EXOC4: variants seen among roughly 807,000 people sequenced by gnomAD.
EXOC4 encodes the protein exocyst complex component 4, also known as SEC8-like 1.
EXOC4 carries 71 observed loss-of-function variants against 107.2 expected under a neutral mutation model. The observed-to-expected ratio is 0.66, with a 90% CI of 0.55 to 0.81. The LOEUF (loss-of-function observed/expected upper bound fraction) is 0.81, where lower values mean the gene tolerates loss of function less well. Among genes scored for constraint, EXOC4 ranks in the 30% least tolerant of loss-of-function variants. The pLI is 0.00. For synonymous variants in EXOC4, 456 were observed against 441.2 expected, an observed-to-expected ratio of 1.03 and a Z score of -0.42; for missense variants, 1,108 against 1,189.6, an observed-to-expected ratio of 0.93 and a Z score of 1.01.
chr7:133,468,574 T>C (rs1798790393), intron 7 of EXOC4, among the ~76,000 whole-genome samples: 1 of 152,168 alleles, frequency 6.6e-6, no homozygotes, highest in Non-Finnish European at 1.5e-5. Context: ...ATTTGGTGGG[T>C]ATATTACCCT....
chr7:133,543,880 T>C (rs1004112060), intron 9 of EXOC4, among the ~76,000 whole-genome samples: 1 of 152,192 alleles, frequency 6.6e-6, no homozygotes, highest in Non-Finnish European at 1.5e-5. Flanking sequence ...ACTAATCTTA[T>C]CTGCTGGCTA....
chr7:133,955,513 A>G (rs1800797009), intron 14 of EXOC4, among the ~76,000 whole-genome samples: 1 of 152,092 alleles, frequency 6.6e-6, no homozygotes, highest in South Asian at 2.1e-4. Context: ...GTGTGTGTTG[A>G]TTGGTCCATG....
chr7:133,306,311 G>A (rs559200083), intron 4 of EXOC4, among the ~76,000 whole-genome samples: 2 of 152,154 alleles, frequency 1.3e-5, no homozygotes, highest in South Asian at 4.2e-4. Flanking sequence ...CATTTACTGT[G>A]GGTCTCATAT....
chr7:133,856,363 A>G (rs1798372416), intron 11 of EXOC4, among the ~76,000 whole-genome samples: 1 of 152,240 alleles, frequency 6.6e-6, no homozygotes, highest in Admixed American at 6.5e-5. Flanking sequence ...GAGCATCCAA[A>G]TGCCTAAGCA....
At chr7:133,563,286 T>C (rs1251527371) in intron 9 of EXOC4, among the ~76,000 whole-genome samples, 2 of 152,196 alleles carry the variant, frequency 1.3e-5, no homozygotes, top group African/African-American at 2.4e-5. Flanking sequence ...TTTTAAAGAA[T>C]GTCTCAAGAA....
chr7:133,809,311 A>G (rs73724756), intron 10 of EXOC4, among the ~76,000 whole-genome samples: 2,593 of 152,340 alleles, frequency 0.017, 70 homozygotes, highest in African/African-American at 0.059. Flanking sequence ...TCATATAACA[A>G]TATTAAATGT....
At chr7:133,379,682 T>A (rs967522053) in intron 7 of EXOC4, among the ~76,000 whole-genome samples, 1 of 152,082 alleles carries the variant, frequency 6.6e-6, no homozygotes, top group Non-Finnish European at 1.5e-5. Context: ...GGCTTTTACT[T>A]ATGTTCTGAA....
chr7:133,503,507 G>A (rs1799613252), intron 9 of EXOC4, among the ~76,000 whole-genome samples: 1 of 152,074 alleles, frequency 6.6e-6, no homozygotes, highest in African/African-American at 2.4e-5. Flanking sequence ...TTGATGAAGA[G>A]TATCTATCAC....
intron 9 of EXOC4, among the ~76,000 whole-genome samples, chr7:133,586,962 C>G (rs962485930): frequency 2.0e-5 from 3 of 152,104 alleles, no homozygotes; most frequent in Non-Finnish European, 4.4e-5. Context: ...TCCTGAATAG[C>G]TGGGATTACA....
chr7:133,613,621 C>G (rs2150999118), intron 9 of EXOC4, among the ~76,000 whole-genome samples: 1 of 151,870 alleles, frequency 6.6e-6, no homozygotes, highest in East Asian at 1.9e-4. Context: ...AAAAAAGATG[C>G]TGAATTGCTT....
chr7:133,547,846 G>A (rs370699850), intron 9 of EXOC4, among the ~76,000 whole-genome samples: 1 of 152,052 alleles, frequency 6.6e-6, no homozygotes, highest in Non-Finnish European at 1.5e-5. Context: ...AATCATCGAT[G>A]AGGTTTGGAA....
chr7:133,869,497 A>C (rs1048341600), intron 11 of EXOC4, among the ~76,000 whole-genome samples: 1 of 152,126 alleles, frequency 6.6e-6, no homozygotes, highest in African/African-American at 2.4e-5. Flanking sequence ...GGAGGTATTT[A>C]ATAAAAATTA....
chr7:133,950,833 A>C (rs908632064), intron 14 of EXOC4, among the ~76,000 whole-genome samples: 1 of 152,232 alleles, frequency 6.6e-6, no homozygotes, highest in Non-Finnish European at 1.5e-5. Context: ...GAGACAGGAG[A>C]TGCCTGTCAC....
At chr7:133,399,619 G>A (rs1187600778) in intron 7 of EXOC4, among the ~76,000 whole-genome samples, 3 of 152,206 alleles carry the variant, frequency 2.0e-5, no homozygotes, top group Non-Finnish European at 2.9e-5. Flanking sequence ...CACAGTAAGA[G>A]ATGCACACAA....
chr7:133,965,114 T>G (rs1801032788), intron 14 of EXOC4, among the ~76,000 whole-genome samples: 1 of 152,270 alleles, frequency 6.6e-6, no homozygotes, highest in Non-Finnish European at 1.5e-5. Flanking sequence ...GTTTGTTGGC[T>G]GCATGAATGT....
chr7:134,035,304 C>T (rs1194858051), intron 17 of EXOC4, among the ~76,000 whole-genome samples: 2 of 152,158 alleles, frequency 1.3e-5, no homozygotes, highest in Admixed American at 1.3e-4. Flanking sequence ...CTCAGCCTCC[C>T]AAAGTGCTGG....
At chr7:133,378,267 G>A (rs1796533417) in intron 7 of EXOC4, among the ~76,000 whole-genome samples, 2 of 145,030 alleles carry the variant, frequency 1.4e-5, no homozygotes, top group African/African-American at 2.6e-5. Flanking sequence ...CTGCGATCGC[G>A]CCACTGCACT....
intron 10 of EXOC4, among the ~76,000 whole-genome samples, chr7:133,709,436 C>G (rs1170170683): frequency 6.6e-6 from 1 of 152,178 alleles, no homozygotes; most frequent in Non-Finnish European, 1.5e-5. Context: ...GAGTTGCTAC[C>G]TGCCAATTTG....
chr7:133,574,315 ACATACAC>A (rs1429738259), intron 9 of EXOC4, among the ~76,000 whole-genome samples: 3 of 152,186 alleles, frequency 2.0e-5, no homozygotes, highest in Admixed American at 6.5e-5. Context: ...ACATGTTTAC[ACATACAC>A]CAAAATGCAC....
Sources: allele counts gnomAD v4.1 joint callset (sites outside exome capture counted in the v4.1 genomes callset), GRCh38; gene constraint gnomAD v4.1.1; transcripts MANE v1.5; gene names NCBI Gene and HGNC (gene_info 2026-07-23, HGNC 2026-07-21).